Variants in BRD3 observed in about 807,000 individuals in gnomAD.
BRD3 encodes bromodomain containing 3.
A neutral mutation model predicts 66.8 loss-of-function variants in BRD3; 17 were observed. The observed-to-expected ratio is 0.25, with a 90% CI of 0.17 to 0.38. The LOEUF is 0.38. Among genes scored for constraint, BRD3 ranks in the 10% least tolerant of loss-of-function variants. The pLI, the probability that BRD3 is intolerant of heterozygous loss-of-function variation, is 1.00. For missense variants in BRD3, 713 were observed against 956.1 expected (o/e 0.75, Z 3.35); for synonymous variants, 421 against 393.2 (o/e 1.07, Z -0.84).
At chr9:134,063,831 CAGAA>C (rs1216730949) in intron 1 of BRD3, among the ~76,000 whole-genome samples, 5 of 152,234 alleles carry the variant, frequency 3.3e-5, no homozygotes, top group Non-Finnish European at 7.3e-5. Context: ...AAGCCACACT[CAGAA>C]AGATCCAGCC....
At chr9:134,047,226 A>T (rs1830190911) in intron 6 of BRD3, among the ~76,000 whole-genome samples, 1 of 152,258 alleles carries the variant, frequency 6.6e-6, no homozygotes, top group Middle Eastern at 3.2e-3. Flanking sequence ...AATGACTGCG[A>T]CTGGCTTCCC....
intron 10 of BRD3, among the ~76,000 whole-genome samples, chr9:134,035,773 C>T (rs1221019299): frequency 1.3e-5 from 2 of 152,252 alleles, no homozygotes; most frequent in African/African-American, 4.8e-5. Flanking sequence ...GGCCAAGGCA[C>T]GCAGTGCTGC....
In BRD3 at chr9:134,045,303, C is replaced by T. The variant is rs1263501861; in HGVS notation, c.1205G>A (p.Arg402Gln). ...PPDHEVVAMARKLQDVFEMRF... is the reference protein window; with the variant it reads ...PPDHEVVAMAQKLQDVFEMRF... ...CCAGCCTCGGGTTACCTGGAGCTTC[C>T]GGGCCATGGCCACAACCTCGTGGTC... is the stretch of plus-strand genomic sequence containing the variant. The change falls in exon 7 of 12, where the codon CGG (arginine) becomes CAG (glutamine). Residue 402 changes from arginine to glutamine, a missense_variant. Coordinates refer to ENST00000303407, the MANE Select transcript of BRD3 (RefSeq NM_007371.4). The surrounding 1 kb of genome is among the most constrained non-coding windows in gnomAD (Gnocchi z 4.8). The T allele has an allele frequency of 1.9e-6, 3 of 1,613,376 alleles. No individual in the cohort carries two copies. The highest frequency in any genetic ancestry group is 1.7e-5 in the Admixed American group (1 of 60,020).
chr9:134,062,966 C>A (rs1386184115), intron 1 of BRD3, among the ~76,000 whole-genome samples: 1 of 152,150 alleles, frequency 6.6e-6, no homozygotes, highest in Non-Finnish European at 1.5e-5. Context: ...AACAAAGCTG[C>A]GGCAGGCCCA....
chr9:134,034,572 C>T (rs1406354213), intron 11 of BRD3, 129 bp downstream of exon 11: 3 of 1,315,498 alleles, frequency 2.3e-6, no homozygotes, highest in East Asian at 2.4e-5. Flanking sequence ...CTCAAGAGCT[C>T]GTCTAAGAAC....
intron 1 of BRD3, chr9:134,058,457 CCAGAAA>C (rs1358120960): frequency 6.6e-6 from 1 of 152,340 alleles, no homozygotes; most frequent in Admixed American, 6.5e-5. Context: ...CTCCCAGCTC[CCAGAAA>C]CAAAGTAAAC....
intron 10 of BRD3, among the ~76,000 whole-genome samples, chr9:134,035,674 T>C (rs575794192): frequency 6.6e-6 from 1 of 152,242 alleles, no homozygotes; most frequent in East Asian, 1.9e-4. Context: ...CAGGAAGGCA[T>C]GCAGTGAGGA....
chr9:134,046,048 T>C (rs767577073), intron 6 of BRD3, among the ~76,000 whole-genome samples: 11 of 152,026 alleles, frequency 7.2e-5, no homozygotes, highest in Non-Finnish European at 1.3e-4. Flanking sequence ...CCACCCACGT[T>C]TACTCGGCCA....
chr9:134,043,703 A>T (rs1353183879), intron 7 of BRD3, among the ~76,000 whole-genome samples: 1 of 151,902 alleles, frequency 6.6e-6, no homozygotes, highest in Non-Finnish European at 1.5e-5. Flanking sequence ...TCAGTCATGG[A>T]AATCCATCAG....
intron 2 of BRD3, among the ~76,000 whole-genome samples, chr9:134,052,693 G>C (rs1202126656): frequency 6.6e-6 from 1 of 152,212 alleles, no homozygotes; most frequent in East Asian, 1.9e-4. Flanking sequence ...CAGACCCCAG[G>C]ACAGGTCTAC....
chr9:134,045,228 C>A lies in BRD3; in HGVS notation c.1215+65G>T, dbSNP rs17151357. ...GACATTCACCTGGGCGCTTACCCCA[C>A]ACTGAGGCCAGGATGCCCACAGCAC... is the stretch of plus-strand genomic sequence containing the variant. On this transcript the variant is annotated intron_variant, in intron 7 of 11. Coordinates refer to ENST00000303407, the MANE Select transcript of BRD3 (RefSeq NM_007371.4). This position sits in a 1 kb window ranked among gnomAD's most constrained non-coding sequence, Gnocchi z 4.8. 4,892 of 1,593,712 alleles carry A rather than the reference C, an allele frequency of 3.1e-3. 125 individuals are homozygous for A. In the African/African-American group the frequency reaches 0.054, roughly 18 times the overall value.
At chr9:134,057,302 C>T (rs1040546896) in intron 1 of BRD3, 1 of 152,220 alleles carries the variant, frequency 6.6e-6, no homozygotes, top group African/African-American at 2.4e-5. Flanking sequence ...CACCCTACCC[C>T]AGCCTGCGAG....
chr9:134,058,299 C>G (rs977969108), intron 1 of BRD3: 3 of 152,336 alleles, frequency 2.0e-5, no homozygotes, highest in African/African-American at 7.2e-5. Context: ...GCCCCTAGAT[C>G]CCAAGTCCCC....
At chr9:134,047,478 C>G (rs1456026828) in intron 6 of BRD3, among the ~76,000 whole-genome samples, 2 of 152,202 alleles carry the variant, frequency 1.3e-5, no homozygotes, top group Admixed American at 1.3e-4. Flanking sequence ...ACCACCACCC[C>G]CCATAGGGAC....
intron 5 of BRD3, among the ~76,000 whole-genome samples, chr9:134,049,261 G>A (rs553893107): frequency 6.6e-6 from 1 of 152,194 alleles, no homozygotes; most frequent in East Asian, 1.9e-4. Flanking sequence ...CAGCACCCAT[G>A]GGCATCACCT....
rs1843551554 is a variant in BRD3, at chr9:134,033,693, G to A, written c.2078C>T (p.Ser693Leu). The A allele has an allele frequency of 1.3e-6, 1 of 748,590 alleles. No individual in the cohort carries two copies. Among genetic ancestry groups the A allele is most frequent in the Admixed American group, 1.8e-5 (1 of 56,042 alleles). The allele number at this position is 748,590 out of a possible 1,614,324, so 46.4% of individuals were successfully genotyped here. A position where few individuals can be genotyped will look rare whatever the true frequency, so the allele number is the denominator to read the frequency against. Residue 693 changes from serine (S) to leucine (L), a missense_variant, in exon 12 of 12, where the codon TCA (serine) becomes TTA (leucine). Ser to Leu is a moderately radical substitution (Grantham distance 145). Transcript: ENST00000303407. This position sits in a 1 kb window ranked among gnomAD's most constrained non-coding sequence, Gnocchi z 5.1. ...KKPARKEKPG[S>L]APSGGPSRLS... is the part of the protein sequence containing the mutation. ...CCTGGACGGGCCCCCTGAGGGTGCT[G>A]AGCCGGGCTTCTCTGTGGAGACATG...
chr9:134,051,423 T>G (rs1349452934), intron 4 of BRD3, 139 bp downstream of exon 4: 2 of 872,544 alleles, frequency 2.3e-6, no homozygotes, highest in Non-Finnish European at 3.2e-6. Context: ...CAGGCCACAC[T>G]CATCCAAGAC....
chr9:134,047,463 C>T (rs1330749462), intron 6 of BRD3, among the ~76,000 whole-genome samples: 1 of 152,202 alleles, frequency 6.6e-6, no homozygotes, highest in South Asian at 2.1e-4. Flanking sequence ...TCAAATGCCG[C>T]ACCCACCACC....
rs2132367785 is a variant in BRD3, at chr9:134,031,915, G to T, written c.*1675C>A. On this transcript the variant is annotated 3_prime_UTR_variant, in exon 12 of 12. Transcript: ENST00000303407. The stretch of plus-strand genomic sequence containing the variant: ...TTTCAGTCATTTCCGGACTAACTGT[G>T]ACAACGCGTGAGCAGGGAGCACCGT... 4.5e-6 allele frequency: 1 copy of T among 219,880 alleles called. No homozygotes were observed. Among genetic ancestry groups the T allele is most frequent in the Non-Finnish European group, 9.1e-6 (1 of 109,420 alleles). 13.6% of individuals were successfully genotyped at this position (219,880 alleles called of 1,614,324 possible).
Sources: allele counts gnomAD v4.1 joint callset (sites outside exome capture counted in the v4.1 genomes callset), GRCh38; gene constraint gnomAD v4.1.1; non-coding constraint Gnocchi (gnomAD v3.1); transcripts MANE v1.5; gene names NCBI Gene and HGNC (gene_info 2026-07-23, HGNC 2026-07-21).